DENND4C: variants seen among roughly 807,000 people sequenced by gnomAD.
DENND4C encodes the protein DENN domain containing 4C.
In DENND4C, 108 loss-of-function variants were observed where a neutral mutation model predicts 203.0. The ratio of observed to expected loss-of-function variants is 0.53; its 90% CI spans 0.46 to 0.62. The LOEUF (loss-of-function observed/expected upper bound fraction) is 0.62, where lower values mean the gene tolerates loss of function less well. DENND4C is among the 20% of genes least tolerant of loss of function. The pLI is 0.00. For synonymous variants in DENND4C, 871 were observed against 792.4 expected (o/e 1.10, Z -1.67); for missense variants, 2,481 against 2,301.2 (o/e 1.08, Z -1.60).
chr9:19,331,359 T>C lies in DENND4C; in HGVS notation c.2254-619T>C, dbSNP rs575269783. On this transcript the variant is annotated intron_variant, in intron 16 of 32. Coordinates refer to ENST00000434457, the MANE Select transcript of DENND4C (RefSeq NM_001330640.2). Reference sequence around the variant, plus strand: ...CTGGGACCACAGGCACATGCCACCATGCGCGGCTAATTTTTGTATTTTTAG... The same window carrying C: ...CTGGGACCACAGGCACATGCCACCACGCGCGGCTAATTTTTGTATTTTTAG... Among the ~76,000 whole-genome samples, 11 of 152,010 alleles carry C rather than the reference T, an allele frequency of 7.2e-5. No homozygotes were observed. In the South Asian group the frequency reaches 2.1e-3, roughly 29 times the overall value.
chr9:19,347,157 A>G (rs1222575717), intron 23 of DENND4C, 71 bp downstream of exon 23: 2 of 1,404,700 alleles, frequency 1.4e-6, no homozygotes, highest in South Asian at 1.4e-5. Context: ...AAATATATGT[A>G]TTCTTGTTCA....
intron 2 of DENND4C, among the ~76,000 whole-genome samples, chr9:19,280,741 A>G (rs902775615): frequency 6.6e-6 from 1 of 151,738 alleles, no homozygotes; most frequent in Non-Finnish European, 1.5e-5. Context: ...ATATATAAAA[A>G]TAAGGAGAAT....
intron 9 of DENND4C, among the ~76,000 whole-genome samples, chr9:19,303,596 T>C (rs1467849873): frequency 6.6e-6 from 1 of 152,192 alleles, no homozygotes; most frequent in Non-Finnish European, 1.5e-5. Flanking sequence ...ATTGTTAAGC[T>C]CTCATTATGT....
intron 26 of DENND4C, among the ~76,000 whole-genome samples, chr9:19,355,958 A>G (rs1053634597): frequency 2.0e-5 from 3 of 152,024 alleles, no homozygotes; most frequent in Non-Finnish European, 4.4e-5. Flanking sequence ...TTTTGAGTTA[A>G]TTGTGTTTTT....
intron 20 of DENND4C, chr9:19,337,729 C>G (rs981530304): frequency 1.4e-4 from 152 of 1,048,440 alleles, no homozygotes; most frequent in Non-Finnish European, 1.8e-4. Flanking sequence ...GGGGAAAGAC[C>G]TTTCATTGTA....
chr9:19,288,790 T>A (rs887452597), intron 4 of DENND4C, 125 bp downstream of exon 4: 1 of 470,284 alleles, frequency 2.1e-6, no homozygotes, highest in Admixed American at 4.4e-5. Context: ...TAAAATTATC[T>A]ATAATTTTAG....
intron 12 of DENND4C, among the ~76,000 whole-genome samples, chr9:19,318,497 A>G (rs1337796225): frequency 6.6e-6 from 1 of 151,958 alleles, no homozygotes; most frequent in Non-Finnish European, 1.5e-5. Flanking sequence ...TGGTAATAAC[A>G]AAATGGAAAT....
intron 1 of DENND4C, among the ~76,000 whole-genome samples, chr9:19,245,623 G>A (rs1054589993): frequency 6.6e-6 from 1 of 152,186 alleles, no homozygotes; most frequent in South Asian, 2.1e-4. Context: ...TTGGAAGGCC[G>A]AGGCGGGTGG....
chr9:19,295,943 A>G (rs10757051), intron 5 of DENND4C, 65 bp from the exon 6 acceptor site: 1,144,750 of 1,248,298 alleles, frequency 0.92, 525,505 homozygotes, highest in East Asian at 1. Flanking sequence ...TGTAATAAGA[A>G]AAAAAGAGAA....
chr9:19,247,486 C>G (rs994827448), intron 1 of DENND4C, among the ~76,000 whole-genome samples: 1 of 152,160 alleles, frequency 6.6e-6, no homozygotes, highest in East Asian at 1.9e-4. Flanking sequence ...ACCTTGAATT[C>G]CTGGTCTCAA....
Position 19,346,571 on chromosome 9 carries a change from T to A in DENND4C, c.3802T>A (p.Ser1268Thr), listed in dbSNP as rs1199388439. Residue 1268 changes from serine (S) to threonine (T), a missense_variant, in exon 23 of 33, where the codon TCT becomes ACT. Ser to Thr is a moderately conservative substitution (Grantham distance 58, BLOSUM62 1). This residue lies in a region of DENND4C where 2,289 missense variants were observed against 2,113.3 expected (regional missense o/e 1.08). Transcript: ENST00000434457. ...ATGTACAGGAGGAAAAACTCCTGAT[T>A]CTGAAGATAAGTTGTTTTCTCCAGT... ...TECTGGKTPDSEDKLFSPVIA... is the reference protein window; with the variant it reads ...TECTGGKTPDTEDKLFSPVIA... 1 of 1,614,080 alleles carries A rather than the reference T, an allele frequency of 6.2e-7. No homozygotes were observed. Among genetic ancestry groups the A allele is most frequent in the Non-Finnish European group, 8.5e-7 (1 of 1,180,050 alleles).
chr9:19,363,355 A>G (rs1826905318), intron 30 of DENND4C, among the ~76,000 whole-genome samples: 1 of 152,078 alleles, frequency 6.6e-6, no homozygotes. Context: ...TCTACTAAAA[A>G]TACAAAATTC....
chr9:19,296,038 C>G lies in DENND4C; in HGVS notation c.832C>G (p.Pro278Ala). 6.2e-7 allele frequency: 1 copy of G among 1,613,974 alleles called. No individual in the cohort carries two copies. Among genetic ancestry groups the G allele is most frequent in the Non-Finnish European group, 8.5e-7 (1 of 1,179,954 alleles). The change falls in exon 6 of 33, where the codon CCT (proline) becomes GCT (alanine). Residue 278 changes from proline to alanine, a missense_variant. Pro to Ala is a conservative substitution (Grantham distance 27). Around this residue, in one of 3 missense-constraint regions of DENND4C, gnomAD observed 2,289 missense variants for 2,113.3 expected, o/e 1.08. Transcript: ENST00000434457. ...VYGAAIQFYE[P>A]YSRELLSEKQ... is the part of the protein sequence containing the mutation. ...TGGAGCTGCCATTCAGTTTTATGAACCTTACTCTCGGGAACTTCTATCAGA... is the reference window on the plus strand; with the variant it reads ...TGGAGCTGCCATTCAGTTTTATGAAGCTTACTCTCGGGAACTTCTATCAGA...
At chr9:19,258,574 A>G (rs1828552662) in intron 1 of DENND4C, among the ~76,000 whole-genome samples, 1 of 152,144 alleles carries the variant, frequency 6.6e-6, no homozygotes. Flanking sequence ...ATATTAACAA[A>G]TAAAAGAAAA....
intron 31 of DENND4C, among the ~76,000 whole-genome samples, chr9:19,370,928 A>C (rs1828707526): frequency 6.6e-6 from 1 of 152,236 alleles, no homozygotes; most frequent in African/African-American, 2.4e-5. Context: ...AGAATTGATA[A>C]TGAAAATGGA....
At position 19,296,027 on chromosome 9, in the gene DENND4C, A is replaced by G. The variant is rs745655243; in HGVS notation, c.821A>G (p.Gln274Arg). Reference protein sequence around the residue: ...SAKKVYGAAIQFYEPYSRELL... With the variant: ...SAKKVYGAAIRFYEPYSRELL... ...CTTTAGGTATATGGAGCTGCCATTCAGTTTTATGAACCTTACTCTCGGGAA... is the reference window on the plus strand; with the variant it reads ...CTTTAGGTATATGGAGCTGCCATTCGGTTTTATGAACCTTACTCTCGGGAA... Residue 274 changes from glutamine to arginine, a missense_variant, in exon 6 of 33, where the codon CAG (glutamine) becomes CGG (arginine). Coordinates refer to ENST00000434457, the MANE Select transcript of DENND4C (RefSeq NM_001330640.2). 4 of 1,613,716 alleles carry G rather than the reference A, an allele frequency of 2.5e-6. No individual in the cohort carries two copies. The highest frequency in any genetic ancestry group is 1.7e-5 in the Admixed American group (1 of 59,972).
At chr9:19,336,902 T>G in intron 20 of DENND4C, 70 bp downstream of exon 20, 1 of 1,437,108 alleles carries the variant, frequency 7.0e-7, no homozygotes, top group Non-Finnish European at 9.4e-7. Context: ...TCAAAAAGCT[T>G]CTTCCATTCT....
chr9:19,282,795 C>T (rs1323341042), intron 2 of DENND4C, among the ~76,000 whole-genome samples: 5 of 132,396 alleles, frequency 3.8e-5, no homozygotes, highest in Admixed American at 1.8e-4. Flanking sequence ...GGGCTCACTA[C>T]AATCTCTGCT....
chr9:19,268,875 G>T (rs1415659113), intron 1 of DENND4C, among the ~76,000 whole-genome samples: 1 of 151,982 alleles, frequency 6.6e-6, no homozygotes, highest in Non-Finnish European at 1.5e-5. Context: ...CTTCATTCTT[G>T]ACCTTTGGGA....
Sources: gnomAD v4.1 joint callset for allele counts (sites outside exome capture counted in the v4.1 genomes callset) on GRCh38, gnomAD v4.1.1 for gene constraint, gnomAD v4.1.1 regional missense constraint, MANE v1.5 for transcripts, NCBI Gene and HGNC (gene_info 2026-07-23, HGNC 2026-07-21) for gene names.